OR9Q1: variants seen among roughly 807,000 people sequenced by gnomAD.
OR9Q1 encodes olfactory receptor 9Q1.
For missense variants in OR9Q1, 374 were observed against 378.8 expected (o/e 0.99, Z 0.11); for synonymous variants, 153 against 148.6 (o/e 1.03, Z -0.22).
chr11:58,065,590 G>A (rs1853421323), intron 2 of OR9Q1, among the ~76,000 whole-genome samples: 1 of 152,206 alleles, frequency 6.6e-6, no homozygotes, highest in Admixed American at 6.5e-5. Flanking sequence ...GTGGGCTCAT[G>A]TTGCTGACAA....
intron 2 of OR9Q1, among the ~76,000 whole-genome samples, chr11:58,166,370 A>G (rs920464456): frequency 2.6e-5 from 4 of 152,178 alleles, no homozygotes; most frequent in Admixed American, 6.5e-5. Flanking sequence ...GAAACTTTTT[A>G]TACTCATCAA....
chr11:58,047,593 G>A (rs1401683812), intron 1 of OR9Q1: 1 of 152,094 alleles, frequency 6.6e-6, no homozygotes, highest in Non-Finnish European at 1.5e-5. Context: ...ATTAAGAGCA[G>A]CTGGGCACAG....
chr11:58,038,471 T>A (rs556426745), intron 1 of OR9Q1, among the ~76,000 whole-genome samples: 60 of 152,354 alleles, frequency 3.9e-4, no homozygotes, highest in African/African-American at 1.4e-3. Context: ...ACTCCACTGT[T>A]ACTCAGAGAA....
intron 2 of OR9Q1, among the ~76,000 whole-genome samples, chr11:58,177,790 A>G (rs1854619527): frequency 6.6e-6 from 1 of 152,184 alleles, no homozygotes; most frequent in Non-Finnish European, 1.5e-5. Flanking sequence ...TGCCTCATAT[A>G]TTATTTGGTA....
Position 58,119,402 on chromosome 11 carries a change from T to C in OR9Q1, c.-14-60029T>C, listed in dbSNP as rs1000869196. On this transcript the variant is annotated intron_variant, in intron 2 of 2. Transcript: ENST00000335397. Reference sequence around the variant, plus strand: ...AATTTGGGGTGGTCCATAAAGCCCATGAGAATGAATTCGGTTACTCTGGTG... The same window carrying C: ...AATTTGGGGTGGTCCATAAAGCCCACGAGAATGAATTCGGTTACTCTGGTG... 5.6e-6 allele frequency: 9 copies of C among 1,613,318 alleles called. No individual in the cohort carries two copies. The highest frequency in any genetic ancestry group is 7.6e-6 in the Non-Finnish European group (9 of 1,179,578).
chr11:58,166,818 C>A (rs1000373712), intron 2 of OR9Q1, among the ~76,000 whole-genome samples: 2 of 151,816 alleles, frequency 1.3e-5, no homozygotes, highest in Non-Finnish European at 2.9e-5. Flanking sequence ...GTGAAGGGGA[C>A]CAGGAGTAGG....
At chr11:58,092,598 C>G (rs1208457860) in intron 2 of OR9Q1, among the ~76,000 whole-genome samples, 1 of 152,034 alleles carries the variant, frequency 6.6e-6, no homozygotes, top group Non-Finnish European at 1.5e-5. Context: ...TATTCTAAGC[C>G]ACAATTATGC....
chr11:58,104,649 A>G (rs1387354142), intron 2 of OR9Q1, among the ~76,000 whole-genome samples: 1 of 152,212 alleles, frequency 6.6e-6, no homozygotes, highest in Admixed American at 6.5e-5. Flanking sequence ...TGCTTAGCCA[A>G]TGCAACACTT....
intron 1 of OR9Q1, among the ~76,000 whole-genome samples, chr11:58,043,847 T>C (rs1396325665): frequency 6.6e-6 from 1 of 152,230 alleles, no homozygotes; most frequent in African/African-American, 2.4e-5. Flanking sequence ...AGAGATGAGC[T>C]GTGCTAGGTG....
At position 58,179,440 on chromosome 11, in the gene OR9Q1, G is replaced by A. The variant is rs76606441; in HGVS notation, c.-5G>A. On this transcript the variant is annotated 5_prime_UTR_variant, in exon 3 of 3. In the 5' UTR this introduces an upstream ATG that the reference lacks. Transcript: ENST00000335397. ...ATTCTACATGTCTCAGGGACCACTGGTGTCATGGCAGAGATGAACCTCACC... is the reference window on the plus strand; with the variant it reads ...ATTCTACATGTCTCAGGGACCACTGATGTCATGGCAGAGATGAACCTCACC... 2.7e-3 allele frequency: 4,178 copies of A among 1,547,738 alleles called. 156 individuals carry two copies. The Admixed American group carries it at 0.071, about 26-fold the overall frequency.
At chr11:58,083,658 G>C (rs1435929607) in intron 2 of OR9Q1, among the ~76,000 whole-genome samples, 2 of 150,330 alleles carry the variant, frequency 1.3e-5, no homozygotes, top group East Asian at 1.9e-4. Flanking sequence ...TAAGGGTCCA[G>C]TTTCATTCTT....
At position 58,123,656 on chromosome 11, in the gene OR9Q1, G is replaced by A. The variant is rs527605169; in HGVS notation, c.-14-55775G>A. Among the ~76,000 whole-genome samples the A allele has an allele frequency of 9.9e-4, 151 of 152,262 alleles. No homozygotes were observed. In the South Asian group the frequency reaches 0.017, roughly 17 times the overall value. On this transcript the variant is annotated intron_variant, in intron 2 of 2. Coordinates refer to ENST00000335397, the MANE Select transcript of OR9Q1 (RefSeq NM_001005212.4). Reference sequence around the variant, plus strand: ...GTCCAACTTATTATACACCTAGGAAGGAACAGAACAGACATTTGAACCTAG... The same window carrying A: ...GTCCAACTTATTATACACCTAGGAAAGAACAGAACAGACATTTGAACCTAG...
chr11:58,093,759 C>CAAAAAAAAAAAAAA (rs71061572), intron 2 of OR9Q1, among the ~76,000 whole-genome samples: 77 of 35,422 alleles, frequency 2.2e-3, no homozygotes, highest in Middle Eastern at 0.018. Context: ...GACTTCATCT[C>CAAAAAAAAAAAAAA]AAAAAAAAAA....
intron 2 of OR9Q1, among the ~76,000 whole-genome samples, chr11:58,128,009 G>T (rs1565084554): frequency 6.6e-6 from 1 of 151,682 alleles, no homozygotes; most frequent in East Asian, 1.9e-4. Flanking sequence ...CATTTAAATT[G>T]AAAAAAATTT....
At chr11:58,027,656 G>A (rs1412571835) in intron 1 of OR9Q1, among the ~76,000 whole-genome samples, 1 of 152,112 alleles carries the variant, frequency 6.6e-6, no homozygotes, top group Non-Finnish European at 1.5e-5. Context: ...CTATGATGGG[G>A]AAAGAGATAG....
At position 58,109,180 on chromosome 11, in the gene OR9Q1, G is replaced by A. The variant is rs750980456; in HGVS notation, c.-15+53233G>A. Reference sequence around the variant, plus strand: ...ACAGAAGGAGAGGGTGAAGGTGCACGTGGTATGCAGAATGGCCCCTGACAC... The same window carrying A: ...ACAGAAGGAGAGGGTGAAGGTGCACATGGTATGCAGAATGGCCCCTGACAC... On this transcript the variant is annotated intron_variant, in intron 2 of 2. Transcript: ENST00000335397. 1.6e-5 allele frequency: 8 copies of A among 486,390 alleles called. No individual in the cohort carries two copies. In the East Asian group the frequency reaches 1.9e-4, roughly 11 times the overall value. 30.1% of individuals were successfully genotyped at this position (486,390 alleles called of 1,614,324 possible). A position where few individuals can be genotyped will look rare whatever the true frequency, so the allele number is the denominator to read the frequency against.
intron 2 of OR9Q1, among the ~76,000 whole-genome samples, chr11:58,063,320 G>A (rs1243568578): frequency 5.3e-5 from 8 of 152,150 alleles, no homozygotes; most frequent in Admixed American, 5.2e-4. Flanking sequence ...ATAGGGTTGT[G>A]AAGATTAAAT....
rs536857628 is a variant in OR9Q1 at position 58,105,357 on chromosome 11, C to G, written c.-15+49410C>G. ...CTTTATTGAGGTATAATTGATATAC[C>G]AAAAACTGTACATATTTAATATATA... is the stretch of plus-strand genomic sequence containing the variant. On this transcript the variant is annotated intron_variant, in intron 2 of 2. Transcript: ENST00000335397. 2.0e-5 allele frequency among the ~76,000 whole-genome samples: 3 copies of G among 152,098 alleles called. No individual in the cohort carries two copies. In the South Asian group the frequency reaches 6.3e-4, roughly 32 times the overall value.
chr11:58,104,745 G>A (rs963479141), intron 2 of OR9Q1, among the ~76,000 whole-genome samples: 4 of 152,126 alleles, frequency 2.6e-5, no homozygotes, highest in Non-Finnish European at 5.9e-5. Context: ...AAATGTTCAT[G>A]TGTGAATTTG....
Sources: allele counts gnomAD v4.1 joint callset (sites outside exome capture counted in the v4.1 genomes callset), GRCh38; gene constraint gnomAD v4.1.1; transcripts MANE v1.5; gene names NCBI Gene and HGNC (gene_info 2026-07-23, HGNC 2026-07-21).